The following NEGR1 variants were observed in gnomAD, a reference collection of about 807,000 sequenced individuals.
NEGR1 encodes the protein neuronal growth regulator 1, also known as IgLON family member 4.
NEGR1 carries 10 observed loss-of-function variants against 40.9 expected under a neutral mutation model. That is an observed-to-expected ratio of 0.24 (90% CI 0.15 to 0.42). The LOEUF is 0.42. Ranked by LOEUF, NEGR1 falls within the 10% of genes least tolerant of loss-of-function variation. The pLI, the probability that NEGR1 is intolerant of heterozygous loss-of-function variation, is 1.00. For missense variants in NEGR1, 352 were observed against 438.9 expected, an observed-to-expected ratio of 0.80 and a Z score of 1.77; for synonymous variants, 185 against 166.8, an observed-to-expected ratio of 1.11 and a Z score of -0.84.
intron 6 of NEGR1, among the ~76,000 whole-genome samples, chr1:71,455,932 G>A (rs1646669565): frequency 6.6e-6 from 1 of 152,106 alleles, no homozygotes; most frequent in South Asian, 2.1e-4. Flanking sequence ...ATCATGTGTT[G>A]CTCCTTAGAT....
intron 3 of NEGR1, among the ~76,000 whole-genome samples, chr1:71,745,546 A>AT (rs35104470): frequency 0.42 from 63,080 of 151,992 alleles, 15,521 homozygotes; most frequent in Middle Eastern, 0.6. Context: ...GGACTAACCT[A>AT]TTCTTGAGAC....
chr1:71,985,688 G>T (rs1315972934), intron 1 of NEGR1, among the ~76,000 whole-genome samples: 8 of 152,170 alleles, frequency 5.3e-5, no homozygotes, highest in African/African-American at 1.7e-4. Flanking sequence ...ATGATTTCTA[G>T]AAATGGTAAC....
intron 2 of NEGR1, among the ~76,000 whole-genome samples, chr1:71,863,068 T>A (rs1659999187): frequency 6.6e-6 from 1 of 152,090 alleles, no homozygotes; most frequent in Non-Finnish European, 1.5e-5. Flanking sequence ...GGAGCAGAAA[T>A]ACCATTCATT....
chr1:71,969,141 A>G (rs987405554), intron 1 of NEGR1, among the ~76,000 whole-genome samples: 2 of 151,906 alleles, frequency 1.3e-5, no homozygotes, highest in East Asian at 3.9e-4. Context: ...CAGCCTCCCA[A>G]GCAGCTGAGA....
chr1:72,151,959 C>G (rs1008295985), intron 1 of NEGR1, among the ~76,000 whole-genome samples: 7 of 151,658 alleles, frequency 4.6e-5, no homozygotes, highest in African/African-American at 1.7e-4. Context: ...ATTTGTTTCT[C>G]TTAATATGGA....
At chr1:72,234,426 A>T (rs1654482512) in intron 1 of NEGR1, among the ~76,000 whole-genome samples, 1 of 152,116 alleles carries the variant, frequency 6.6e-6, no homozygotes. Context: ...TAGAAATGGG[A>T]TCTGGGACCT....
chr1:71,888,275 C>T (rs150939571), intron 2 of NEGR1, among the ~76,000 whole-genome samples: 5 of 151,602 alleles, frequency 3.3e-5, no homozygotes, highest in African/African-American at 4.8e-5. Flanking sequence ...ACGCAGAAGA[C>T]GGGTGATTTC....
chr1:71,837,464 CT>C lies in NEGR1; in HGVS notation c.410-61168del, dbSNP rs922546333. 3.3e-5 allele frequency among the ~76,000 whole-genome samples: 5 copies of C among 152,030 alleles called. No individual in the cohort carries two copies. The South Asian group carries it at 6.2e-4, about 19-fold the overall frequency. On this transcript the variant is annotated intron_variant, in intron 2 of 6. Coordinates refer to ENST00000357731, the MANE Select transcript of NEGR1 (RefSeq NM_173808.3). The stretch of plus-strand genomic sequence containing the variant: ...CACTGACATGGTATTTCTCTTTAGA[CT>C]TTTTTTGTTGCCGTTAAAATACATT...
intron 2 of NEGR1, among the ~76,000 whole-genome samples, chr1:71,901,831 C>T (rs770936490): frequency 4.6e-5 from 7 of 151,792 alleles, no homozygotes; most frequent in African/African-American, 1.5e-4. Flanking sequence ...CCATCATACC[C>T]GGCTAATTTT....
chr1:71,866,750 A>G (rs905270841), intron 2 of NEGR1, among the ~76,000 whole-genome samples: 5 of 152,210 alleles, frequency 3.3e-5, no homozygotes, highest in African/African-American at 1.2e-4. Flanking sequence ...GGGAAAACCT[A>G]GCATATCTTA....
intron 6 of NEGR1, among the ~76,000 whole-genome samples, chr1:71,436,183 A>C (rs1342935609): frequency 5.9e-5 from 9 of 152,128 alleles, no homozygotes. Flanking sequence ...CACAGGACTT[A>C]CAACAGAGGC....
chr1:72,149,487 A>G (rs2100352098), intron 1 of NEGR1, among the ~76,000 whole-genome samples: 1 of 152,314 alleles, frequency 6.6e-6, no homozygotes, highest in Admixed American at 6.5e-5. Flanking sequence ...TATACACTAA[A>G]TTTAAAATAG....
At chr1:71,585,456 T>A (rs903350596) in intron 6 of NEGR1, among the ~76,000 whole-genome samples, 2 of 152,056 alleles carry the variant, frequency 1.3e-5, no homozygotes, top group Non-Finnish European at 2.9e-5. Flanking sequence ...AAACTCTAAT[T>A]TATTTTTCTA....
At chr1:72,049,791 T>C (rs1647040630) in intron 1 of NEGR1, among the ~76,000 whole-genome samples, 2 of 151,616 alleles carry the variant, frequency 1.3e-5, no homozygotes, top group South Asian at 4.1e-4. Context: ...AGGGCATTAA[T>C]AAAAGCTAAA....
At chr1:72,015,663 G>C (rs1339005387) in intron 1 of NEGR1, among the ~76,000 whole-genome samples, 1 of 152,026 alleles carries the variant, frequency 6.6e-6, no homozygotes, top group Admixed American at 6.6e-5. Flanking sequence ...AAGTGAGACC[G>C]TGTCTCAAAA....
chr1:71,933,307 C>A (rs1440539597), intron 2 of NEGR1, among the ~76,000 whole-genome samples: 1 of 151,700 alleles, frequency 6.6e-6, no homozygotes, highest in Non-Finnish European at 1.5e-5. Flanking sequence ...TCTTAAATAC[C>A]GATAGTCTGG....
chr1:71,904,117 G>A (rs1661213936), intron 2 of NEGR1, among the ~76,000 whole-genome samples: 1 of 151,926 alleles, frequency 6.6e-6, no homozygotes, highest in Admixed American at 6.6e-5. Flanking sequence ...GTGTGAAGCA[G>A]TGCCTCAGGA....
chr1:72,120,547 A>G (rs1480250147), intron 1 of NEGR1, among the ~76,000 whole-genome samples: 2 of 151,632 alleles, frequency 1.3e-5, no homozygotes, highest in African/African-American at 2.4e-5. Flanking sequence ...TTTAGGGTAC[A>G]TGTGCACATT....
chr1:71,423,940 A>G (rs1646413551), intron 6 of NEGR1, among the ~76,000 whole-genome samples: 1 of 151,754 alleles, frequency 6.6e-6, no homozygotes, highest in African/African-American at 2.4e-5. Flanking sequence ...TAGGCGCTAT[A>G]GGAGGGGTTA....
Sources: allele counts gnomAD v4.1 joint callset (sites outside exome capture counted in the v4.1 genomes callset), GRCh38; gene constraint gnomAD v4.1.1; transcripts MANE v1.5; gene names NCBI Gene and HGNC (gene_info 2026-07-23, HGNC 2026-07-21).